The following SYNE1 variants were observed in gnomAD, a reference collection of about 807,000 sequenced individuals.
SYNE1 encodes the protein spectrin repeat containing nuclear envelope protein 1, also known as nesprin-1.
In SYNE1, 616 loss-of-function variants were observed where a neutral mutation model predicts 1,111.0. The ratio of observed to expected loss-of-function variants is 0.55; its 90% CI spans 0.52 to 0.59. SYNE1 has a LOEUF of 0.59. Ranked by LOEUF, SYNE1 falls within the 20% of genes least tolerant of loss-of-function variation. The pLI is 0.00. For synonymous variants in SYNE1, 3,855 were observed against 3,825.8 expected (o/e 1.01, Z -0.28); for missense variants, 10,006 against 10,417.0 (o/e 0.96, Z 1.72).
rs2085071740 is a variant in SYNE1 at position 152,239,603 on chromosome 6, A to C, written c.19997T>G (p.Leu6666Arg). 6.2e-7 allele frequency: 1 copy of C among 1,614,208 alleles called. No homozygotes were observed. Among genetic ancestry groups the C allele is most frequent in the Non-Finnish European group, 8.5e-7 (1 of 1,180,036 alleles). ...VQKETQFHTE[L>R]MAQASAVLKR... ...CAGTACAGCAGAAGCCTGAGCCATC[A>C]GCTCTGTATGGAACTGGGTTTCCTT... The change falls in exon 108 of 146, where the codon CTG becomes CGG. Residue 6666 changes from leucine (L) to arginine (R), a missense_variant. Physicochemically the swap from Leu to Arg is moderately radical, Grantham distance 102 (BLOSUM62 -2). Coordinates refer to ENST00000367255, the MANE Select transcript of SYNE1 (RefSeq NM_182961.4).
At chr6:152,519,782 CAG>C in intron 6 of SYNE1, among the ~76,000 whole-genome samples, 1 of 152,150 alleles carries the variant, frequency 6.6e-6, no homozygotes, top group Non-Finnish European at 1.5e-5. Flanking sequence ...AAGGGAAAAA[CAG>C]TGACTCTACC....
At chr6:152,145,155 TA>T in intron 137 of SYNE1, 1 of 365,284 alleles carries the variant, frequency 2.7e-6, no homozygotes, top group Non-Finnish European at 5.3e-6. Context: ...AAGCTGAAAT[TA>T]CCACACCACG....
chr6:152,411,722 C>CACCCCCCCCA (rs1424663584), intron 42 of SYNE1, among the ~76,000 whole-genome samples: 8 of 136,144 alleles, frequency 5.9e-5, no homozygotes, highest in African/African-American at 2.2e-4. Flanking sequence ...CACACACACA[C>CACCCCCCCCA]ACACACCCCC....
At position 152,359,350 on chromosome 6, in the gene SYNE1, G is replaced by A. The variant is rs752505118; in HGVS notation, c.10408C>T (p.Gln3470Ter). Residue 3470 changes from glutamine to a stop codon, truncating the protein, a stop_gained, in exon 65 of 146, where the codon CAG (glutamine) becomes TAG (stop). Coordinates refer to ENST00000367255, the MANE Select transcript of SYNE1 (RefSeq NM_182961.4). LOFTEE classifies it high-confidence loss of function. ...YVTQLELQDL[Q>*]ERYRAIQERA... ...TCTTGGATGGCTCTGTATCGTTCCT[G>A]TAGATCCTGGAGTTCTAGCTGGGTG... is the stretch of plus-strand genomic sequence containing the variant. The A allele has an allele frequency of 1.2e-6, 2 of 1,614,146 alleles. No individual in the cohort carries two copies. Among genetic ancestry groups the A allele is most frequent in the East Asian group, 2.2e-5 (1 of 44,870 alleles).
chr6:152,556,800 C>G (rs939367501), intron 3 of SYNE1, among the ~76,000 whole-genome samples: 6 of 152,146 alleles, frequency 3.9e-5, no homozygotes, highest in Admixed American at 2.6e-4. Flanking sequence ...GTCAGGCTGA[C>G]TGATGAAGGG....
At position 152,233,747 on chromosome 6, in the gene SYNE1, C is replaced by T. The variant is rs1015520598; in HGVS notation, c.20712+34G>A. The T allele has an allele frequency of 3.7e-6, 6 of 1,609,978 alleles. No individual in the cohort carries two copies. In the Admixed American group the frequency reaches 5.0e-5, roughly 13 times the overall value. ...TTTCTCCATGTCAAATAGCTTAAGT[C>T]AGCTATTTCCCACGAAAGCAATCCT... On this transcript the variant is annotated intron_variant, in intron 112 of 145. Coordinates refer to ENST00000367255, the MANE Select transcript of SYNE1 (RefSeq NM_182961.4).
Position 152,325,303 on chromosome 6 carries a change from C to T in SYNE1, c.15439-1G>A. The T allele has an allele frequency of 6.2e-7, 1 of 1,614,042 alleles. No individual in the cohort carries two copies. The highest frequency in any genetic ancestry group is 8.5e-7 in the Non-Finnish European group (1 of 1,179,992). On this transcript the variant is annotated splice_acceptor_variant, in intron 80 of 145. Coordinates refer to ENST00000367255, the MANE Select transcript of SYNE1 (RefSeq NM_182961.4). LOFTEE classifies it high-confidence loss of function. Reference sequence around the variant, plus strand: ...AAGAGTTAACCACTGACACTAAAGCCTAGGGTTGGGGGTGGAGGACGGAAG... The same window carrying T: ...AAGAGTTAACCACTGACACTAAAGCTTAGGGTTGGGGGTGGAGGACGGAAG...
rs559170726 is a variant in SYNE1 at position 152,182,946 on chromosome 6, G to A, written c.23302-2652C>T. Among the ~76,000 whole-genome samples the A allele has an allele frequency of 2.6e-5, 4 of 151,550 alleles. No individual in the cohort carries two copies. In the South Asian group the frequency reaches 8.4e-4, roughly 32 times the overall value. On this transcript the variant is annotated intron_variant, in intron 128 of 145. Transcript: ENST00000367255. ...TAGTATAATTTAGTTTCTCATTGAG[G>A]TTTTTGGAGGCAGAATAATACAGAA...
In SYNE1 at chr6:152,122,666, C is replaced by T. The variant is rs2051688672; in HGVS notation, c.26164G>A (p.Gly8722Ser). The T allele has an allele frequency of 1.9e-6, 3 of 1,613,798 alleles. No homozygotes were observed. The highest frequency in any genetic ancestry group is 2.2e-5 in the South Asian group (2 of 91,080). Residue 8722 changes from glycine to serine, a missense_variant, in exon 146 of 146, where the codon GGT becomes AGT. Gly to Ser is a moderately conservative substitution (Grantham distance 56). This residue lies in a region of SYNE1 where 761 missense variants were observed against 795.5 expected (regional missense o/e 0.96). Transcript: ENST00000367255. ...VSSPHSRSTKGGSDSSLSEPG... is the reference protein window; with the variant it reads ...VSSPHSRSTKSGSDSSLSEPG... The stretch of plus-strand genomic sequence containing the variant: ...TCAGAAAGGGAGGAATCGGAGCCAC[C>T]TTTTGTGGACCTGAGAGAAGAATGG...
intron 38 of SYNE1, among the ~76,000 whole-genome samples, chr6:152,427,384 T>C (rs1410477354): frequency 6.6e-6 from 1 of 152,210 alleles, no homozygotes; most frequent in East Asian, 1.9e-4. Flanking sequence ...CTTTCATCTA[T>C]ATTCCTACCC....
intron 16 of SYNE1, among the ~76,000 whole-genome samples, chr6:152,468,654 G>C (rs1414035882): frequency 6.6e-6 from 1 of 152,134 alleles, no homozygotes; most frequent in Non-Finnish European, 1.5e-5. Flanking sequence ...TTTTTTGCAG[G>C]ACGGATAAGT....
chr6:152,407,055 C>G lies in SYNE1; in HGVS notation c.6682G>C (p.Asp2228His). The change falls in exon 45 of 146, where the codon GAT becomes CAT. Residue 2228 changes from aspartate (D) to histidine (H), a missense_variant. Coordinates refer to ENST00000367255, the MANE Select transcript of SYNE1 (RefSeq NM_182961.4). ...AGTTCTTCAGCTCTGAGGTGGTTAT[C>G]CAGGTTGCTGATGTTTTCTGCCATC... is the stretch of plus-strand genomic sequence containing the variant. Reference protein sequence around the residue: ...PQMAENISNLDNHLRAEELLK... With the variant: ...PQMAENISNLHNHLRAEELLK... 6.2e-7 allele frequency: 1 copy of G among 1,613,600 alleles called. No homozygotes were observed. Among genetic ancestry groups the G allele is most frequent in the Admixed American group, 1.7e-5 (1 of 59,970 alleles).
intron 3 of SYNE1, among the ~76,000 whole-genome samples, chr6:152,574,897 T>TTTG (rs2099490277): frequency 1.3e-5 from 2 of 152,162 alleles, no homozygotes; most frequent in Non-Finnish European, 2.9e-5. Flanking sequence ...TTGTTTTTTG[T>TTTG]TTTGTTTGTT....
chr6:152,314,721 C>T (rs558893222), intron 87 of SYNE1, among the ~76,000 whole-genome samples: 107 of 151,864 alleles, frequency 7.0e-4, no homozygotes, highest in Non-Finnish European at 1.2e-3. Context: ...GATGCCAAGG[C>T]GAGTAGATCG....
At chr6:152,497,125 G>A (rs190386431) in intron 11 of SYNE1, among the ~76,000 whole-genome samples, 7 of 152,204 alleles carry the variant, frequency 4.6e-5, no homozygotes, top group East Asian at 1.9e-4. Flanking sequence ...TTTATTGCTC[G>A]TACAAAGCCT....
intron 131 of SYNE1, among the ~76,000 whole-genome samples, chr6:152,162,990 G>C (rs1266504931): frequency 6.6e-6 from 1 of 152,036 alleles, no homozygotes; most frequent in African/African-American, 2.4e-5. Context: ...AATGAAGTAA[G>C]TACATAAACT....
chr6:152,412,155 C>T, intron 42 of SYNE1, among the ~76,000 whole-genome samples: 1 of 152,152 alleles, frequency 6.6e-6, no homozygotes, highest in Non-Finnish European at 1.5e-5. Context: ...GGTGCGGTGG[C>T]TCACACCTGT....
chr6:152,281,938 C>T lies in SYNE1; in HGVS notation c.18250G>A (p.Ala6084Thr). The change falls in exon 97 of 146, where the codon GCC (alanine) becomes ACC (threonine). Residue 6084 changes from alanine (A) to threonine (T), a missense_variant. Around this residue, in one of 7 missense-constraint regions of SYNE1, gnomAD observed 99 missense variants for 147.8 expected, o/e 0.67. Transcript: ENST00000367255. Reference protein sequence around the residue: ...DQLEEQRQEQALQRYRCEADE... With the variant: ...DQLEEQRQEQTLQRYRCEADE... ...GCTTCACAGCGATACCTCTGCAGGG[C>T]CTGTTCCTGCCTTTGTTCCTCCAGC... 1 of 1,614,116 alleles carries T rather than the reference C, an allele frequency of 6.2e-7. No individual in the cohort carries two copies. The highest frequency in any genetic ancestry group is 8.5e-7 in the Non-Finnish European group (1 of 1,180,030).
chr6:152,610,679 A>G (rs150241871), intron 3 of SYNE1, among the ~76,000 whole-genome samples: 1,701 of 152,292 alleles, frequency 0.011, 19 homozygotes, highest in Middle Eastern at 0.061. Flanking sequence ...GAGCAACCCC[A>G]AGATACATAA....
Sources: gnomAD v4.1 joint callset for allele counts (sites outside exome capture counted in the v4.1 genomes callset) on GRCh38, gnomAD v4.1.1 for gene constraint, gnomAD v4.1.1 regional missense constraint, MANE v1.5 for transcripts, NCBI Gene and HGNC (gene_info 2026-07-23, HGNC 2026-07-21) for gene names.